Variants in SGCB observed in about 807,000 individuals in gnomAD.
SGCB encodes beta-sarcoglycan.
Under a neutral mutation model 27.3 loss-of-function variants are expected in SGCB, and 25 were observed. The observed-to-expected ratio is 0.92, with a 90% CI of 0.67 to 1.28. The LOEUF is 1.28. SGCB is among the 50% of genes most tolerant of loss of function. SGCB has a pLI of 0.00. For missense variants in SGCB, 436 were observed against 402.1 expected (o/e 1.08, Z -0.72); for synonymous variants, 147 against 133.5 (o/e 1.10, Z -0.70).
chr4:52,031,392 C>CTGTG (rs55972642), intron 2 of SGCB, among the ~76,000 whole-genome samples: 24 of 140,250 alleles, frequency 1.7e-4, no homozygotes, highest in East Asian at 6.3e-4. Context: ...CCATTCATCT[C>CTGTG]TGTGTGTGTG....
At position 52,029,900 on chromosome 4, in the gene SGCB, A is replaced by AAT. The variant is rs755703530; in HGVS notation, c.244-38_244-37insAT. 3 of 1,447,472 alleles carry AAT rather than the reference A, an allele frequency of 2.1e-6. No homozygotes were observed. The South Asian group carries it at 3.4e-5, about 16-fold the overall frequency. The allele number at this position is 1,447,472 out of a possible 1,614,324, so 89.7% of individuals were successfully genotyped here. A position where few individuals can be genotyped will look rare whatever the true frequency, so the allele number is the denominator to read the frequency against. On this transcript the variant is annotated intron_variant, in intron 2 of 5. Coordinates refer to ENST00000381431, the MANE Select transcript of SGCB (RefSeq NM_000232.5). ...CACAAGTCCACTGTTGGTAGGCCGC[A>AAT]TACATTTAATGTAATTGGAAAACAA... is the stretch of plus-strand genomic sequence containing the variant.
intron 2 of SGCB, among the ~76,000 whole-genome samples, chr4:52,031,449 T>TGTGTGTGC (rs1262507884): frequency 6.9e-6 from 1 of 144,548 alleles, no homozygotes; most frequent in Admixed American, 6.9e-5. Flanking sequence ...TGTGTGTGTG[T>TGTGTGTGC]GCACGCGCAT....
intron 5 of SGCB, among the ~76,000 whole-genome samples, chr4:52,024,526 G>A (rs986230971): frequency 3.3e-5 from 5 of 152,070 alleles, no homozygotes; most frequent in Non-Finnish European, 5.9e-5. Flanking sequence ...TTGTGATCAT[G>A]AGTACAAAAA....
intron 4 of SGCB, 36 bp from the exon 5 acceptor site, chr4:52,028,135 C>G (rs760853464): frequency 6.6e-7 from 1 of 1,523,898 alleles, no homozygotes; most frequent in East Asian, 2.3e-5. Context: ...AAAAGAGTTT[C>G]TAAATTAATG....
At chr4:52,036,485 T>C (rs1011660399) in intron 1 of SGCB, among the ~76,000 whole-genome samples, 2 of 152,208 alleles carry the variant, frequency 1.3e-5, no homozygotes, top group African/African-American at 2.4e-5. Flanking sequence ...AGGTTTCCTA[T>C]ACAATCAGAT....
Position 52,028,917 on chromosome 4 carries a change from A to G in SGCB, c.434T>C (p.Val145Ala), listed in dbSNP as rs1446053409. 5 of 1,612,394 alleles carry G rather than the reference A, an allele frequency of 3.1e-6. No homozygotes were observed. The East Asian group carries it at 1.1e-4, about 36-fold the overall frequency. Reference sequence around the variant, plus strand: ...GAGCTTTGTTGTCCCTTGCTGAAAAACAATCTTCAAAAAAAACAGTTTATT... The same window carrying G: ...GAGCTTTGTTGTCCCTTGCTGAAAAGCAATCTTCAAAAAAAACAGTTTATT... The part of the protein sequence containing the change: ...LVITGNNQPI[V>A]FQQGTTKLSV... Residue 145 changes from valine to alanine, a missense_variant, in exon 4 of 6, where the codon GTT becomes GCT. Coordinates refer to ENST00000381431, the MANE Select transcript of SGCB (RefSeq NM_000232.5).
chr4:52,035,262 G>C (rs1737357737), intron 1 of SGCB, among the ~76,000 whole-genome samples: 1 of 152,124 alleles, frequency 6.6e-6, no homozygotes, highest in African/African-American at 2.4e-5. Context: ...TATAGGAAAG[G>C]GTCCTTATCC....
In SGCB at chr4:52,023,978, G is replaced by A. The variant is rs1184617433; in HGVS notation, c.936C>T (p.Asn312=). The A allele has an allele frequency of 2.5e-6, 4 of 1,614,120 alleles. No individual in the cohort carries two copies. Among genetic ancestry groups the A allele is most frequent in the Admixed American group, 3.3e-5 (2 of 60,026 alleles). ...SQNMGCQISD[N]PCGNTH ...TCTTTTAATGAGTGTTTCCACAGGG[G>A]TTGTCTGAGATTTGGCAGCCCATGT... Residue 312 remains asparagine, a synonymous_variant, in exon 6 of 6, where the codon AAC becomes AAT. Transcript: ENST00000381431.
intron 3 of SGCB, among the ~76,000 whole-genome samples, chr4:52,029,224 T>C (rs570336575): frequency 6.6e-6 from 1 of 152,340 alleles, no homozygotes; most frequent in South Asian, 2.1e-4. Flanking sequence ...CTTGAGGTTT[T>C]ATTCAGTTGA....
chr4:52,024,204 G>A, intron 5 of SGCB, 44 bp from the exon 6 acceptor site: 1 of 1,474,232 alleles, frequency 6.8e-7, no homozygotes, highest in Non-Finnish European at 9.4e-7. Flanking sequence ...TCCATGAGGG[G>A]GTACAGAACA....
chr4:52,036,046 C>G (rs1448854827), intron 1 of SGCB, among the ~76,000 whole-genome samples: 1 of 152,172 alleles, frequency 6.6e-6, no homozygotes, highest in Non-Finnish European at 1.5e-5. Flanking sequence ...ACAGGCCAGT[C>G]AGGTAGACAG....
At chr4:52,031,396 G>GTGTGTGTA (rs1349660315) in intron 2 of SGCB, among the ~76,000 whole-genome samples, 7 of 47,440 alleles carry the variant, frequency 1.5e-4, no homozygotes, top group Admixed American at 3.7e-4. Flanking sequence ...TCATCTCTGT[G>GTGTGTGTA]TGTGTGTGTA....
chr4:52,030,781 A>G (rs545174236), intron 2 of SGCB, among the ~76,000 whole-genome samples: 115 of 152,290 alleles, frequency 7.6e-4, no homozygotes, highest in African/African-American at 2.6e-3. Flanking sequence ...AGTTTCCTGT[A>G]TCCTCATCTT....
At chr4:52,029,940 C>T in intron 2 of SGCB, 77 bp from the exon 3 acceptor site, 1 of 1,109,336 alleles carries the variant, frequency 9.0e-7, no homozygotes, top group African/African-American at 1.5e-5. Flanking sequence ...AAAATATTAT[C>T]ACCAAAATGT....
chr4:52,037,894 C>T (rs960620328), intron 1 of SGCB, among the ~76,000 whole-genome samples: 3 of 152,188 alleles, frequency 2.0e-5, no homozygotes, highest in African/African-American at 7.2e-5. Flanking sequence ...GGCGGCTGAA[C>T]GGGGTACGTC....
At chr4:52,028,943 G>T (rs375934435) in intron 3 of SGCB, 22 bp from the exon 4 acceptor site, 2 of 1,578,230 alleles carry the variant, frequency 1.3e-6, no homozygotes, top group Admixed American at 1.7e-5. Flanking sequence ...ACAGTTTATT[G>T]TGAATATATT....
rs972369181 is a variant in SGCB at position 52,022,349 on chromosome 4, C to A, written c.*1608G>T. 1 of 152,128 alleles carries A rather than the reference C, an allele frequency of 6.6e-6. No homozygotes were observed. Among genetic ancestry groups the A allele is most frequent in the African/African-American group, 2.4e-5 (1 of 41,414 alleles). 9.4% of individuals were successfully genotyped at this position (152,128 alleles called of 1,614,324 possible). A position where few individuals can be genotyped will look rare whatever the true frequency, so the allele number is the denominator to read the frequency against. ...TTCTTATGTGCACAATTCAAAGTGA[C>A]CCTGACAGAATGCTGTTACACTTGA... is the stretch of plus-strand genomic sequence containing the variant. On this transcript the variant is annotated 3_prime_UTR_variant, in exon 6 of 6. Coordinates refer to ENST00000381431, the MANE Select transcript of SGCB (RefSeq NM_000232.5).
At chr4:52,036,513 C>T (rs1224836351) in intron 1 of SGCB, among the ~76,000 whole-genome samples, 2 of 152,236 alleles carry the variant, frequency 1.3e-5, no homozygotes, top group Middle Eastern at 3.4e-3. Context: ...GTAGTAAAAT[C>T]ACTCCAAAAA....
intron 1 of SGCB, among the ~76,000 whole-genome samples, chr4:52,037,772 G>A (rs922576226): frequency 6.6e-6 from 1 of 152,164 alleles, no homozygotes; most frequent in Admixed American, 6.5e-5. Context: ...ATTGGAGATG[G>A]CAGAAACAAA....
Sources: allele counts gnomAD v4.1 joint callset (sites outside exome capture counted in the v4.1 genomes callset), GRCh38; gene constraint gnomAD v4.1.1; transcripts MANE v1.5; gene names NCBI Gene and HGNC (gene_info 2026-07-23, HGNC 2026-07-21).